Variants in TTC17 observed in about 807,000 individuals in gnomAD.
The protein encoded by TTC17 is tetratricopeptide repeat protein 17.
Under a neutral mutation model 143.8 loss-of-function variants are expected in TTC17, and 58 were observed. The observed-to-expected ratio is 0.40, with a 90% CI of 0.33 to 0.50. TTC17 has a LOEUF of 0.50. Among genes scored for constraint, TTC17 ranks in the 20% least tolerant of loss-of-function variants. The probability of loss-of-function intolerance (pLI) is 0.49; values close to 1 mark genes in which losing one functional copy is unlikely to be tolerated. For synonymous variants in TTC17, 501 were observed against 497.8 expected, an observed-to-expected ratio of 1.01 and a Z score of -0.09; for missense variants, 1,273 against 1,392.5, an observed-to-expected ratio of 0.91 and a Z score of 1.37.
At chr11:43,380,566 T>C (rs938473960) in intron 2 of TTC17, among the ~76,000 whole-genome samples, 1 of 152,252 alleles carries the variant, frequency 6.6e-6, no homozygotes, top group African/African-American at 2.4e-5. Flanking sequence ...AAAGCTGGCA[T>C]ACCTGTTAAG....
At chr11:43,417,567 G>A (rs1185316815) in intron 16 of TTC17, among the ~76,000 whole-genome samples, 2 of 152,304 alleles carry the variant, frequency 1.3e-5, no homozygotes, top group East Asian at 1.9e-4. Context: ...CAGGCATGGT[G>A]GCTCATGCCT....
At chr11:43,493,210 A>G (rs936080466) in intron 23 of TTC17, among the ~76,000 whole-genome samples, 2 of 152,210 alleles carry the variant, frequency 1.3e-5, no homozygotes, top group Admixed American at 1.3e-4. Context: ...AACCTTCAAT[A>G]TGGCAGGGAT....
In TTC17 at chr11:43,379,222, C is replaced by G; in HGVS notation, c.160-11C>G. On this transcript the variant is annotated splice_polypyrimidine_tract_variant and intron_variant, in intron 1 of 23. Coordinates refer to ENST00000039989, the MANE Select transcript of TTC17 (RefSeq NM_018259.6). ...AAATCCGAGCTTTATTTATTTATTG[C>G]TTGCTTGCAGGTGGATTCACCAATG... The G allele has an allele frequency of 6.2e-7, 1 of 1,609,434 alleles. No homozygotes were observed. The highest frequency in any genetic ancestry group is 8.5e-7 in the Non-Finnish European group (1 of 1,177,804).
chr11:43,381,985 CCTT>C lies in TTC17; in HGVS notation c.249+2666_249+2668del, dbSNP rs571967454. Among the ~76,000 whole-genome samples the C allele has an allele frequency of 4.5e-4, 68 of 152,214 alleles. No homozygotes were observed. The South Asian group carries it at 0.014, about 31-fold the overall frequency. On this transcript the variant is annotated intron_variant, in intron 2 of 23. Coordinates refer to ENST00000039989, the MANE Select transcript of TTC17 (RefSeq NM_018259.6). ...AATGGATGTCACGTGGGCAGTTGGTCCTTCTAGTGCAAACTCAAGGGGAAAGAT... is the reference window on the plus strand; with the variant it reads ...AATGGATGTCACGTGGGCAGTTGGTCCTAGTGCAAACTCAAGGGGAAAGAT...
chr11:43,449,938 C>T (rs960068457), intron 19 of TTC17, 144 bp from the exon 20 acceptor site: 2 of 896,322 alleles, frequency 2.2e-6, no homozygotes, highest in South Asian at 1.9e-5. Flanking sequence ...AAACTTACTT[C>T]GTTTAAAATC....
chr11:43,428,998 C>T (rs1245664491), intron 16 of TTC17, among the ~76,000 whole-genome samples: 2 of 152,120 alleles, frequency 1.3e-5, no homozygotes, highest in Admixed American at 6.5e-5. Flanking sequence ...GCAGTAATTA[C>T]TGAATGAGAA....
intron 16 of TTC17, among the ~76,000 whole-genome samples, chr11:43,438,197 A>AC (rs1947335212): frequency 6.6e-6 from 1 of 152,134 alleles, no homozygotes; most frequent in Non-Finnish European, 1.5e-5. Context: ...TCACTCTGTC[A>AC]CCCAGGCTGG....
At chr11:43,493,170 C>G (rs970146667) in intron 23 of TTC17, among the ~76,000 whole-genome samples, 1 of 152,216 alleles carries the variant, frequency 6.6e-6, no homozygotes, top group African/African-American at 2.4e-5. Flanking sequence ...TTGGGCTCTT[C>G]TTTTAGAGTG....
At chr11:43,439,021 T>G (rs1430026265) in intron 16 of TTC17, among the ~76,000 whole-genome samples, 1 of 152,234 alleles carries the variant, frequency 6.6e-6, no homozygotes, top group Non-Finnish European at 1.5e-5. Flanking sequence ...AGCATCAGTC[T>G]TGTTTCTCAT....
intron 9 of TTC17, among the ~76,000 whole-genome samples, chr11:43,400,563 C>G (rs371090669): frequency 6.6e-6 from 1 of 152,086 alleles, no homozygotes; most frequent in African/African-American, 2.4e-5. Context: ...TTTTCTTGCT[C>G]TCTTAAAAAC....
At chr11:43,472,070 A>G (rs542144340) in intron 21 of TTC17, among the ~76,000 whole-genome samples, 2 of 152,336 alleles carry the variant, frequency 1.3e-5, no homozygotes, top group South Asian at 4.1e-4. Flanking sequence ...TTAAAAAGAT[A>G]TATCAGCCAG....
At chr11:43,492,246 A>C (rs914561804) in intron 23 of TTC17, 83 bp downstream of exon 23, 292 of 1,491,232 alleles carry the variant, frequency 2.0e-4, no homozygotes, top group Non-Finnish European at 2.4e-4. Flanking sequence ...TGAATATGTC[A>C]TTGCCCACCA....
intron 21 of TTC17, among the ~76,000 whole-genome samples, chr11:43,477,754 G>GT (rs1177060262): frequency 6.6e-6 from 1 of 151,942 alleles, no homozygotes; most frequent in African/African-American, 2.4e-5. Flanking sequence ...CATGGGAATA[G>GT]TTTTTTTTCA....
chr11:43,372,571 A>T (rs769810300), intron 1 of TTC17, among the ~76,000 whole-genome samples: 44 of 151,248 alleles, frequency 2.9e-4, no homozygotes, highest in African/African-American at 7.1e-4. Flanking sequence ...GCTCACTGCA[A>T]CCTCCACCTC....
Position 43,450,062 on chromosome 11 carries a change from T to TG in TTC17, c.2787-18dup. On this transcript the variant is annotated intron_variant, in intron 19 of 23. Transcript: ENST00000039989. ...ACTCAAAAATTTCCCATAGCTAATG[T>TG]GGTAATCTCCATTTTTCAGCATCAC... is the stretch of plus-strand genomic sequence containing the variant. The TG allele has an allele frequency of 1.2e-6, 2 of 1,608,440 alleles. No individual in the cohort carries two copies. Among genetic ancestry groups the TG allele is most frequent in the Non-Finnish European group, 1.7e-6 (2 of 1,177,124 alleles).
chr11:43,377,969 T>C (rs1856824100), intron 1 of TTC17, among the ~76,000 whole-genome samples: 1 of 152,176 alleles, frequency 6.6e-6, no homozygotes, highest in African/African-American at 2.4e-5. Flanking sequence ...GTTGGCGCAA[T>C]CTCAGGTCAC....
chr11:43,473,292 A>C (rs1374276480), intron 21 of TTC17, among the ~76,000 whole-genome samples: 1 of 152,226 alleles, frequency 6.6e-6, no homozygotes, highest in Non-Finnish European at 1.5e-5. Flanking sequence ...TTTTGAAATG[A>C]ATGATACAGT....
chr11:43,443,911 T>A, intron 17 of TTC17, 145 bp from the exon 18 acceptor site: 1 of 1,010,462 alleles, frequency 9.9e-7, no homozygotes, highest in South Asian at 2.0e-5. Context: ...CACTAACCAT[T>A]TTTTATTTAG....
intron 2 of TTC17, chr11:43,385,705 T>C (rs1857143609): frequency 6.7e-6 from 1 of 149,828 alleles, no homozygotes; most frequent in Non-Finnish European, 1.5e-5. Context: ...AGCAAGAGCT[T>C]GTCTTTAAAA....
Sources: gnomAD v4.1 joint callset for allele counts (sites outside exome capture counted in the v4.1 genomes callset) on GRCh38, gnomAD v4.1.1 for gene constraint, MANE v1.5 for transcripts, NCBI Gene and HGNC (gene_info 2026-07-23, HGNC 2026-07-21) for gene names.